GALK1: variants seen among roughly 807,000 people sequenced by gnomAD.
The protein encoded by GALK1 is galactokinase.
In GALK1, 30 loss-of-function variants were observed where a neutral mutation model predicts 38.6. The ratio of observed to expected loss-of-function variants is 0.78; its 90% CI spans 0.58 to 1.05. The LOEUF (loss-of-function observed/expected upper bound fraction) is 1.05. GALK1 is among the 50% of genes least tolerant of loss of function. The pLI, the probability that GALK1 is intolerant of heterozygous loss-of-function variation, is 0.00. For missense variants in GALK1, 512 were observed against 540.5 expected (o/e 0.95, Z 0.52); for synonymous variants, 240 against 233.6 (o/e 1.03, Z -0.25).
In GALK1 at chr17:75,763,992, C is replaced by T. The variant is rs572575400; in HGVS notation, c.260G>A (p.Arg87Gln). The change falls in exon 2 of 8, where the codon CGG becomes CAG. Residue 87 changes from arginine (R) to glutamine (Q), a missense_variant. Coordinates refer to ENST00000588479, the MANE Select transcript of GALK1 (RefSeq NM_000154.2). ...GGCTGTGGGCAGTGGAAACTGCAGCCGCTGGGGCTCATCGGCACCCTCAGA... is the reference window on the plus strand; with the variant it reads ...GGCTGTGGGCAGTGGAAACTGCAGCTGCTGGGGCTCATCGGCACCCTCAGA... Reference protein sequence around the residue: ...TTSEGADEPQRLQFPLPTAQR... With the variant: ...TTSEGADEPQQLQFPLPTAQR... 5.6e-5 allele frequency: 91 copies of T among 1,612,058 alleles called. No homozygotes were observed. The South Asian group carries it at 8.4e-4, about 15-fold the overall frequency.
At chr17:75,752,432 C>T (rs567838321) in intron 8 of GALK1, 1 of 1,613,146 alleles carries the variant, frequency 6.2e-7, no homozygotes, top group South Asian at 1.1e-5. Flanking sequence ...CTGGCTCACT[C>T]CCCTGCCCTG....
chr17:75,755,197 G>A (rs62088214), downstream of GALK1: 21,121 of 1,604,600 alleles, frequency 0.013, 734 homozygotes, highest in Admixed American at 0.11. Context: ...GGCCAGCAGC[G>A]CCCTCCTGGG....
At chr17:75,755,618 A>G, downstream of GALK1, 2 of 1,553,316 alleles carry the variant, frequency 1.3e-6, no homozygotes, top group Non-Finnish European at 1.8e-6. Flanking sequence ...CAGCTGAGGG[A>G]GGGAGGTCAG....
At position 75,758,328 on chromosome 17, in the gene GALK1, T is replaced by C; in HGVS notation, c.989A>G (p.Glu330Gly). 1 of 1,594,446 alleles carries C rather than the reference T, an allele frequency of 6.3e-7. No homozygotes were observed. Among genetic ancestry groups the C allele is most frequent in the South Asian group, 1.1e-5 (1 of 88,480 alleles). Residue 330 changes from glutamate (E) to glycine (G), a missense_variant, in exon 7 of 8, where the codon GAG becomes GGG. Coordinates refer to ENST00000588479, the MANE Select transcript of GALK1 (RefSeq NM_000154.2). Reference protein sequence around the residue: ...VSCPELDQLVEAALAVPGVYG... With the variant: ...VSCPELDQLVGAALAVPGVYG... Reference sequence around the variant, plus strand: ...AACCCCAGGCACAGCAAGCGCAGCCTCCACCAGCTGGTCCAGCTCTGGGCA... The same window carrying C: ...AACCCCAGGCACAGCAAGCGCAGCCCCCACCAGCTGGTCCAGCTCTGGGCA...
At chr17:75,757,622 TCA>T, downstream of GALK1, 1 of 1,598,972 alleles carries the variant, frequency 6.3e-7, no homozygotes, top group South Asian at 1.1e-5. Context: ...CGGAGCCTCC[TCA>T]GCTACTCCAT....
downstream of GALK1, among the ~76,000 whole-genome samples, chr17:75,753,334 T>A (rs1238862128): frequency 6.6e-6 from 1 of 152,148 alleles, no homozygotes; most frequent in Non-Finnish European, 1.5e-5. Flanking sequence ...CAGCTGCTTC[T>A]AACACTACCT....
Position 75,763,002 on chromosome 17 carries a change from A to AAG in GALK1, c.611+11_611+12insCT. The stretch of plus-strand genomic sequence containing the variant: ...GTGCAGGGCGGGAGGGGACGAGGGG[A>AAG]GCGAGCCCAACCTGCAGTCAATGAG... On this transcript the variant is annotated intron_variant, in intron 4 of 7. Transcript: ENST00000588479. 1 of 1,612,564 alleles carries AAG rather than the reference A, an allele frequency of 6.2e-7. No individual in the cohort carries two copies.
chr17:75,754,708 C>T, downstream of GALK1: 1 of 1,614,162 alleles, frequency 6.2e-7, no homozygotes, highest in Non-Finnish European at 8.5e-7. Context: ...GTGCTAAGCA[C>T]ATCCTCCACC....
chr17:75,762,564 G>A, intron 5 of GALK1, 140 bp downstream of exon 5: 1 of 847,202 alleles, frequency 1.2e-6, no homozygotes, highest in Non-Finnish European at 2.0e-6. Flanking sequence ...TGGAACCCTG[G>A]GTGCGCAGTG....
intron 8 of GALK1, among the ~76,000 whole-genome samples, chr17:75,752,879 C>A (rs892746795): frequency 6.6e-6 from 1 of 152,146 alleles, no homozygotes; most frequent in Non-Finnish European, 1.5e-5. Flanking sequence ...TCAGGCCACC[C>A]CCCAGGGGCA....
At chr17:75,756,554 C>G, downstream of GALK1, 1 of 1,613,190 alleles carries the variant, frequency 6.2e-7, no homozygotes, top group South Asian at 1.1e-5. Context: ...GGGCCGAGAG[C>G]GTGAGGGTGT....
chr17:75,762,563 G>C, intron 5 of GALK1, 141 bp downstream of exon 5: 1 of 841,128 alleles, frequency 1.2e-6, no homozygotes, highest in Non-Finnish European at 2.0e-6. Context: ...TTGGAACCCT[G>C]GGTGCGCAGT....
At chr17:75,757,422 T>G (rs871443), downstream of GALK1, 1 of 1,612,940 alleles carries the variant, frequency 6.2e-7, no homozygotes, top group Admixed American at 1.7e-5. Flanking sequence ...ACAGATGGGC[T>G]GACCCTGGGG....
At chr17:75,755,295 C>G (rs577078944), downstream of GALK1, 6 of 1,402,772 alleles carry the variant, frequency 4.3e-6, no homozygotes, top group Non-Finnish European at 5.8e-6. Flanking sequence ...GCCAGCTGTG[C>G]CCACTGCTTC....
At chr17:75,757,464 C>A, downstream of GALK1, 3 of 1,612,866 alleles carry the variant, frequency 1.9e-6, no homozygotes, top group African/African-American at 4.0e-5. Flanking sequence ...GGCTCCCTCA[C>A]CCGGCATGTG....
At chr17:75,761,146 G>A (rs1045927894) in intron 5 of GALK1, among the ~76,000 whole-genome samples, 1 of 151,960 alleles carries the variant, frequency 6.6e-6, no homozygotes, top group Non-Finnish European at 1.5e-5. Context: ...AGGTTGCAGT[G>A]AGCCGAGATC....
At chr17:75,755,460 G>C (rs1366429732), downstream of GALK1, among the ~76,000 whole-genome samples, 1 of 152,196 alleles carries the variant, frequency 6.6e-6, no homozygotes, top group Admixed American at 6.5e-5. Flanking sequence ...AGTTGAGGGG[G>C]TGGGGCTGGC....
chr17:75,757,039 A>G, downstream of GALK1: 1 of 1,612,526 alleles, frequency 6.2e-7, no homozygotes, highest in African/African-American at 1.3e-5. Context: ...TTCAAGGTGC[A>G]GGCCAGGACC....
downstream of GALK1, chr17:75,754,879 C>T: frequency 3.7e-6 from 6 of 1,608,384 alleles, no homozygotes; most frequent in Non-Finnish European, 5.1e-6. Context: ...CTCCTGGAGC[C>T]TCGGGCTTCT....
Sources: gnomAD v4.1 joint callset for allele counts (sites outside exome capture counted in the v4.1 genomes callset) on GRCh38, gnomAD v4.1.1 for gene constraint, MANE v1.5 for transcripts, NCBI Gene and HGNC (gene_info 2026-07-23, HGNC 2026-07-21) for gene names.